ZYG11A: variants seen among roughly 807,000 people sequenced by gnomAD.
ZYG11A encodes the protein protein zyg-11 homolog A.
In ZYG11A, 62 loss-of-function variants were observed where a neutral mutation model predicts 77.2. The ratio of observed to expected loss-of-function variants is 0.80; its 90% CI spans 0.65 to 0.99. The LOEUF (loss-of-function observed/expected upper bound fraction) is 0.99. Ranked by LOEUF, ZYG11A falls within the 50% of genes least tolerant of loss-of-function variation. ZYG11A has a pLI of 0.00. For missense variants in ZYG11A, 828 were observed against 896.8 expected (o/e 0.92, Z 0.98); for synonymous variants, 315 against 324.6 (o/e 0.97, Z 0.32).
Position 52,872,504 on chromosome 1 carries a change from T to C in ZYG11A, c.1542+4727T>C, listed in dbSNP as rs1452653657. Among the ~76,000 whole-genome samples the C allele has an allele frequency of 2.0e-5, 3 of 152,236 alleles. No individual in the cohort carries two copies. The South Asian group carries it at 6.2e-4, about 32-fold the overall frequency. On this transcript the variant is annotated intron_variant, in intron 8 of 13. Transcript: ENST00000371528. ...AGGAAGTTAATATTTTCCTGCTTGTTATACGATATCCATTCTGCAGCCCAT... is the reference window on the plus strand; with the variant it reads ...AGGAAGTTAATATTTTCCTGCTTGTCATACGATATCCATTCTGCAGCCCAT...
intron 3 of ZYG11A, among the ~76,000 whole-genome samples, chr1:52,859,769 C>G (rs1164903628): frequency 6.8e-6 from 1 of 146,436 alleles, no homozygotes; most frequent in Non-Finnish European, 1.5e-5. Context: ...CCTCTGCCTC[C>G]CGGGTTCAAG....
intron 8 of ZYG11A, among the ~76,000 whole-genome samples, chr1:52,869,381 G>A (rs1188085733): frequency 1.3e-5 from 2 of 151,468 alleles, no homozygotes; most frequent in African/African-American, 4.9e-5. Context: ...CCTAGGCAGA[G>A]GACCCTGCGG....
At chr1:52,884,218 C>G (rs548624121) in intron 11 of ZYG11A, among the ~76,000 whole-genome samples, 4 of 149,082 alleles carry the variant, frequency 2.7e-5, no homozygotes, top group African/African-American at 7.4e-5. Flanking sequence ...TGGGCGTGGC[C>G]GGGCACGGTG....
chr1:52,844,292 A>G (rs952922770), intron 1 of ZYG11A, among the ~76,000 whole-genome samples: 2 of 152,228 alleles, frequency 1.3e-5, no homozygotes, highest in African/African-American at 4.8e-5. Flanking sequence ...TGTGCCCTGC[A>G]GTGATCTAGC....
chr1:52,885,922 C>CTT, intron 12 of ZYG11A, 28 bp downstream of exon 12: 30 of 1,367,466 alleles, frequency 2.2e-5, no homozygotes, highest in Middle Eastern at 1.9e-4. Context: ...TGCTTTTCTT[C>CTT]TTTTTTTTTT....
chr1:52,859,626 C>T (rs572501046), intron 3 of ZYG11A, among the ~76,000 whole-genome samples: 126 of 146,398 alleles, frequency 8.6e-4, no homozygotes, highest in Admixed American at 1.2e-3. Context: ...TGAGCCACCA[C>T]GCCCAGCTGG....
intron 3 of ZYG11A, among the ~76,000 whole-genome samples, chr1:52,859,347 T>G (rs971919907): frequency 1.3e-5 from 2 of 152,122 alleles, no homozygotes; most frequent in Admixed American, 1.3e-4. Flanking sequence ...TATTTTTTAT[T>G]TTTTTTGAGA....
chr1:52,887,112 G>T, intron 13 of ZYG11A, 59 bp downstream of exon 13: 3 of 1,017,352 alleles, frequency 2.9e-6, no homozygotes, highest in Non-Finnish European at 4.2e-6. Flanking sequence ...TCTGTGTAAT[G>T]ATTAAGTTCA....
Position 52,893,255 on chromosome 1 carries a change from A to G in ZYG11A, c.*298A>G, listed in dbSNP as rs1646575226. The G allele has an allele frequency of 3.7e-6, 1 of 270,776 alleles. No individual in the cohort carries two copies. The highest frequency in any genetic ancestry group is 4.9e-5 in the Admixed American group (1 of 20,474). The allele number at this position is 270,776 out of a possible 1,614,324, so 16.8% of individuals were successfully genotyped here. A position where few individuals can be genotyped will look rare whatever the true frequency, so the allele number is the denominator to read the frequency against. On this transcript the variant is annotated 3_prime_UTR_variant, in exon 14 of 14. Transcript: ENST00000371528. ...AAGTTACTTTTCTCTAGCCTTGGAC[A>G]ATTTTTTCCCTTTGGGAGCTTGTCA...
intron 3 of ZYG11A, 104 bp downstream of exon 3, chr1:52,857,853 TAAAA>T (rs1289664573): frequency 4.1e-6 from 4 of 969,428 alleles, no homozygotes; most frequent in East Asian, 2.8e-5. Flanking sequence ...CAGAGACAGA[TAAAA>T]AAATCCTTAA....
chr1:52,862,891 C>T lies in ZYG11A; in HGVS notation c.1150-1090C>T, dbSNP rs552531301. ...CTTGACCTCCTGGGCTCAAGTGATC[C>T]TCCTGCCTCAGCCTCCTGAGTAGCT... On this transcript the variant is annotated intron_variant, in intron 4 of 13. Coordinates refer to ENST00000371528, the MANE Select transcript of ZYG11A (RefSeq NM_001004339.3). Among the ~76,000 whole-genome samples, 4 of 152,218 alleles carry T rather than the reference C, an allele frequency of 2.6e-5. No individual in the cohort carries two copies. In the East Asian group the frequency reaches 7.8e-4, roughly 30 times the overall value.
At position 52,856,989 on chromosome 1, in the gene ZYG11A, C is replaced by A; in HGVS notation, c.257-9C>A. On this transcript the variant is annotated splice_polypyrimidine_tract_variant and intron_variant, in intron 2 of 13. Coordinates refer to ENST00000371528, the MANE Select transcript of ZYG11A (RefSeq NM_001004339.3). ...TTGTCATTACAAGTTGGTTCTGGTT[C>A]TTTCATAGGCAAGCTGACTGACAGA... 6.6e-7 allele frequency: 1 copy of A among 1,518,474 alleles called. No homozygotes were observed. The highest frequency in any genetic ancestry group is 1.3e-5 in the South Asian group (1 of 79,160). 94.1% of individuals were successfully genotyped at this position (1,518,474 alleles called of 1,614,324 possible). A position where few individuals can be genotyped will look rare whatever the true frequency, so the allele number is the denominator to read the frequency against.
At chr1:52,860,075 T>C (rs1194720553) in intron 3 of ZYG11A, among the ~76,000 whole-genome samples, 2 of 152,250 alleles carry the variant, frequency 1.3e-5, no homozygotes, top group East Asian at 3.8e-4. Context: ...TTGGTTATTC[T>C]AGGTTCTTTG....
At chr1:52,851,161 C>T (rs997019391) in intron 1 of ZYG11A, among the ~76,000 whole-genome samples, 1 of 151,998 alleles carries the variant, frequency 6.6e-6, no homozygotes, top group Non-Finnish European at 1.5e-5. Context: ...TCTCCTGCCT[C>T]AGCTCCCCAG....
chr1:52,866,283 C>T (rs576864835), intron 5 of ZYG11A, among the ~76,000 whole-genome samples: 3 of 152,082 alleles, frequency 2.0e-5, no homozygotes, highest in Non-Finnish European at 4.4e-5. Flanking sequence ...TGGTTTTCCT[C>T]ATTTATTTCT....
chr1:52,877,320 G>A (rs1646278936), intron 8 of ZYG11A, among the ~76,000 whole-genome samples: 1 of 152,068 alleles, frequency 6.6e-6, no homozygotes, highest in South Asian at 2.1e-4. Context: ...ATTGAGAAAA[G>A]CCAACTTTTG....
At chr1:52,848,596 C>T (rs181033184) in intron 1 of ZYG11A, among the ~76,000 whole-genome samples, 527 of 152,318 alleles carry the variant, frequency 3.5e-3, no homozygotes, top group Non-Finnish European at 5.2e-3. Flanking sequence ...CTCAGCCTCC[C>T]ACACTTTGTA....
intron 1 of ZYG11A, among the ~76,000 whole-genome samples, chr1:52,851,189 A>G (rs112213522): frequency 6.6e-6 from 1 of 151,726 alleles, no homozygotes; most frequent in East Asian, 2.0e-4. Flanking sequence ...GGACTCAGGC[A>G]CACCCTACCA....
At chr1:52,856,254 G>GTCACAGGTGTCTGATTACCTT (rs1645807580) in intron 2 of ZYG11A, among the ~76,000 whole-genome samples, 4 of 151,992 alleles carry the variant, frequency 2.6e-5, no homozygotes, top group Admixed American at 2.0e-4. Context: ...ATTCCTTGTG[G>GTCACAGGTGTCTGATTACCTT]TCACAGGTGT....
Sources: allele counts gnomAD v4.1 joint callset (sites outside exome capture counted in the v4.1 genomes callset), GRCh38; gene constraint gnomAD v4.1.1; transcripts MANE v1.5; gene names NCBI Gene and HGNC (gene_info 2026-07-23, HGNC 2026-07-21).